Variants in SDAD1 observed in about 807,000 individuals in gnomAD.
The protein encoded by SDAD1 is SDA1 domain containing 1.
A neutral mutation model predicts 100.3 loss-of-function variants in SDAD1; 79 were observed. The observed-to-expected ratio is 0.79, with a 90% confidence interval of 0.66 to 0.95. The LOEUF (loss-of-function observed/expected upper bound fraction) is 0.95, where lower values mean the gene tolerates loss of function less well. Among genes scored for constraint, SDAD1 ranks in the 40% least tolerant of loss-of-function variants. The pLI is 0.00. For missense variants in SDAD1, 790 were observed against 810.9 expected (o/e 0.97, Z 0.31); for synonymous variants, 267 against 271.4 (o/e 0.98, Z 0.16).
In SDAD1 at chr4:75,971,466, A is replaced by C. The variant is rs775987670; in HGVS notation, c.712-8T>G. On this transcript the variant is annotated splice_polypyrimidine_tract_variant and splice_region_variant and intron_variant, in intron 8 of 21. Transcript: ENST00000356260. Reference sequence around the variant, plus strand: ...TGCTGTTGGTCCATCATCCTAAAGAAGAAATTACTTTGTAAAATTGTAAAC... The same window carrying C: ...TGCTGTTGGTCCATCATCCTAAAGACGAAATTACTTTGTAAAATTGTAAAC... The C allele has an allele frequency of 1.9e-6, 3 of 1,590,874 alleles. No homozygotes were observed. The South Asian group carries it at 3.3e-5, about 18-fold the overall frequency.
rs1264504007 is a variant in SDAD1 at position 75,973,319 on chromosome 4, C to T, written c.709G>A (p.Glu237Lys). 6.2e-7 allele frequency: 1 copy of T among 1,612,120 alleles called. No individual in the cohort carries two copies. Among genetic ancestry groups the T allele is most frequent in the East Asian group, 2.2e-5 (1 of 44,780 alleles). Residue 237 changes from glutamate (E) to lysine (K), a missense_variant and splice_region_variant, in exon 8 of 22, where the codon GAG (glutamate) becomes AAG (lysine). Glu to Lys is a moderately conservative substitution (Grantham distance 56, BLOSUM62 1). Coordinates refer to ENST00000356260, the MANE Select transcript of SDAD1 (RefSeq NM_018115.4). ...DEKQDSDSES[E>K]DDGPTARDLL... Reference sequence around the variant, plus strand: ...GAAGCAGCTATGATTAAACTAACCTCAGATTCGGAGTCACTGTCCTGTTTT... The same window carrying T: ...GAAGCAGCTATGATTAAACTAACCTTAGATTCGGAGTCACTGTCCTGTTTT...
At chr4:75,984,654 C>G (rs1472300591) in intron 1 of SDAD1, among the ~76,000 whole-genome samples, 1 of 152,088 alleles carries the variant, frequency 6.6e-6, no homozygotes, top group African/African-American at 2.4e-5. Flanking sequence ...GTAACAGCCA[C>G]CTGATAATCA....
At chr4:75,965,461 C>CT (rs1467477867) in intron 13 of SDAD1, among the ~76,000 whole-genome samples, 3 of 152,172 alleles carry the variant, frequency 2.0e-5, no homozygotes, top group African/African-American at 7.2e-5. Context: ...CATGTGATCT[C>CT]TGTGACCCAC....
Position 75,950,640 on chromosome 4 carries a change from A to G in SDAD1, c.*110T>C. 1.4e-6 allele frequency: 1 copy of G among 689,948 alleles called. No individual in the cohort carries two copies. Among genetic ancestry groups the G allele is most frequent in the Admixed American group, 2.6e-5 (1 of 39,058 alleles). 42.7% of individuals were successfully genotyped at this position (689,948 alleles called of 1,614,324 possible). A position where few individuals can be genotyped will look rare whatever the true frequency, so the allele number is the denominator to read the frequency against. ...TGCCACATGTTCAGCAGTTTTCACA[A>G]TACAGTGTGTCTGGACTTTTTAATG... On this transcript the variant is annotated 3_prime_UTR_variant, in exon 22 of 22. Coordinates refer to ENST00000356260, the MANE Select transcript of SDAD1 (RefSeq NM_018115.4).
In SDAD1 at chr4:75,960,088, T is replaced by C. The variant is rs968098977; in HGVS notation, c.1461A>G (p.Glu487=). The C allele has an allele frequency of 1.2e-6, 2 of 1,609,616 alleles. No individual in the cohort carries two copies. Among genetic ancestry groups the C allele is most frequent in the Non-Finnish European group, 1.7e-6 (2 of 1,179,284 alleles). Reference sequence around the variant, plus strand: ...AACCTTCATCATTTTCAGCATTCTCTTCTTTCTCAACTTCCAGAACTTCTG... The same window carrying C: ...AACCTTCATCATTTTCAGCATTCTCCTCTTTCTCAACTTCCAGAACTTCTG... The part of the protein sequence containing the change: ...PGAEVLEVEK[E]ENAENDEDGW... Residue 487 remains glutamate (E), a synonymous_variant, in exon 17 of 22, where the codon GAA becomes GAG. Transcript: ENST00000356260.
intron 4 of SDAD1, among the ~76,000 whole-genome samples, chr4:75,976,730 A>G (rs1730179203): frequency 6.9e-6 from 1 of 145,404 alleles, no homozygotes; most frequent in African/African-American, 2.5e-5. Flanking sequence ...TTATATCTCA[A>G]TAAAAGTGTT....
intron 14 of SDAD1, among the ~76,000 whole-genome samples, chr4:75,963,828 C>T (rs141097121): frequency 3.9e-5 from 6 of 152,188 alleles, no homozygotes; most frequent in African/African-American, 1.2e-4. Context: ...ATTTTATTAG[C>T]AGTACAAAGT....
chr4:75,955,406 A>C (rs1275629701), intron 21 of SDAD1, among the ~76,000 whole-genome samples: 1 of 151,980 alleles, frequency 6.6e-6, no homozygotes, highest in Admixed American at 6.6e-5. Flanking sequence ...CTGCCTTTCC[A>C]CTTGGGAACA....
chr4:75,956,236 T>A, intron 20 of SDAD1, 100 bp from the exon 21 acceptor site: 1 of 1,311,860 alleles, frequency 7.6e-7, no homozygotes, highest in Non-Finnish European at 1.0e-6. Context: ...CTCTACTAGG[T>A]GCCAAGGGCA....
chr4:75,983,286 A>G (rs1174588787), intron 1 of SDAD1, among the ~76,000 whole-genome samples: 2 of 152,244 alleles, frequency 1.3e-5, no homozygotes, highest in Non-Finnish European at 2.9e-5. Context: ...AGAATGATTT[A>G]TAATCCTTTG....
intron 1 of SDAD1, among the ~76,000 whole-genome samples, chr4:75,987,379 C>T (rs556122732): frequency 2.6e-5 from 4 of 152,304 alleles, no homozygotes; most frequent in Admixed American, 2.0e-4. Context: ...ATATACATTT[C>T]ATATACATAG....
At chr4:75,990,670 C>T in intron 1 of SDAD1, 82 bp downstream of exon 1, 1 of 1,606,372 alleles carries the variant, frequency 6.2e-7, no homozygotes, top group African/African-American at 1.3e-5. Flanking sequence ...GCCTGGATCC[C>T]AGCCCCACTC....
intron 17 of SDAD1, among the ~76,000 whole-genome samples, chr4:75,959,097 CAAAAAAAAAAAAAAAAAAA>C (rs61245198): frequency 2.9e-4 from 16 of 54,984 alleles, no homozygotes; most frequent in Non-Finnish European, 4.3e-4. Context: ...GACTCTGTCT[CAAAAAAAAAAAAAAAAAAA>C]AAAAAAAAAA....
intron 17 of SDAD1, among the ~76,000 whole-genome samples, chr4:75,959,348 A>C (rs2149311020): frequency 6.6e-6 from 1 of 152,262 alleles, no homozygotes; most frequent in Middle Eastern, 3.4e-3. Context: ...TCACGCCTGT[A>C]ATCCCAGCAC....
intron 17 of SDAD1, among the ~76,000 whole-genome samples, chr4:75,958,933 TAAAAAATAC>T (rs1375757542): frequency 6.7e-6 from 1 of 150,322 alleles, no homozygotes; most frequent in African/African-American, 2.4e-5. Context: ...CCGTCTCTAC[TAAAAAATAC>T]AAAAAATTAG....
At chr4:75,969,882 T>A (rs1420372131) in intron 10 of SDAD1, among the ~76,000 whole-genome samples, 2 of 152,106 alleles carry the variant, frequency 1.3e-5, no homozygotes, top group African/African-American at 4.8e-5. Context: ...GACCCAAGCA[T>A]CAGTACAGTT....
At chr4:75,963,326 G>A (rs981638359) in intron 14 of SDAD1, among the ~76,000 whole-genome samples, 13 of 151,894 alleles carry the variant, frequency 8.6e-5, no homozygotes, top group African/African-American at 3.1e-4. Context: ...CAGGTAGCGT[G>A]ACTCCAGCTT....
intron 4 of SDAD1, among the ~76,000 whole-genome samples, chr4:75,977,325 C>A (rs1309185086): frequency 1.3e-5 from 2 of 152,112 alleles, no homozygotes; most frequent in Non-Finnish European, 2.9e-5. Flanking sequence ...CACTAAGAAG[C>A]AGTGTGAGAG....
At chr4:75,959,470 T>A (rs1729107645) in intron 17 of SDAD1, among the ~76,000 whole-genome samples, 1 of 151,654 alleles carries the variant, frequency 6.6e-6, no homozygotes, top group Non-Finnish European at 1.5e-5. Flanking sequence ...CAGGCATGGC[T>A]GCACACGCCT....
Sources: gnomAD v4.1 joint callset for allele counts (sites outside exome capture counted in the v4.1 genomes callset) on GRCh38, gnomAD v4.1.1 for gene constraint, MANE v1.5 for transcripts, NCBI Gene and HGNC (gene_info 2026-07-23, HGNC 2026-07-21) for gene names.